The following KMT2C variants were observed in gnomAD, a reference collection of about 807,000 sequenced individuals.
The protein encoded by KMT2C is histone-lysine N-methyltransferase 2C.
KMT2C carries 88 observed loss-of-function variants against 507.9 expected under a neutral mutation model. That is an observed-to-expected ratio of 0.17 (90% CI 0.15 to 0.21). KMT2C has a LOEUF of 0.21. Ranked by LOEUF, KMT2C falls within the 10% of genes least tolerant of loss-of-function variation. The probability of loss-of-function intolerance (pLI) is 1.00; values close to 1 mark genes in which losing one functional copy is unlikely to be tolerated. For synonymous variants in KMT2C, 2,049 were observed against 2,080.8 expected (o/e 0.98, Z 0.42); for missense variants, 4,954 against 5,957.8 (o/e 0.83, Z 5.55).
chr7:152,187,028 T>C (rs906985157), intron 33 of KMT2C, among the ~76,000 whole-genome samples: 3 of 152,206 alleles, frequency 2.0e-5, no homozygotes, highest in African/African-American at 7.2e-5. Flanking sequence ...TGCTAGGAGC[T>C]GAAAAACGGA....
chr7:152,391,015 G>A (rs2097489561), intron 1 of KMT2C, among the ~76,000 whole-genome samples: 1 of 151,396 alleles, frequency 6.6e-6, no homozygotes, highest in African/African-American at 2.4e-5. Flanking sequence ...CATGGTGGCA[G>A]GCGCCTGTAA....
rs559561636 is a variant in KMT2C, at chr7:152,209,292, T to TA, written c.3713-1865dup. 5.3e-5 allele frequency among the ~76,000 whole-genome samples: 8 copies of TA among 151,086 alleles called. No individual in the cohort carries two copies. In the South Asian group the frequency reaches 1.7e-3, roughly 32 times the overall value. ...TAACACAGTGAAACCCTGTCTCTAC[T>TA]AAAAAATACAAAAAATTAGCCAGGT... On this transcript the variant is annotated intron_variant, in intron 23 of 58. Coordinates refer to ENST00000262189, the MANE Select transcript of KMT2C (RefSeq NM_170606.3).
chr7:152,262,239 A>T (rs964450354), intron 9 of KMT2C, among the ~76,000 whole-genome samples: 1 of 152,146 alleles, frequency 6.6e-6, no homozygotes, highest in Non-Finnish European at 1.5e-5. Context: ...AAGAAGAGCA[A>T]TGACAATGCT....
chr7:152,305,840 A>G (rs1410137899), intron 6 of KMT2C, among the ~76,000 whole-genome samples: 1 of 152,144 alleles, frequency 6.6e-6, no homozygotes, highest in Non-Finnish European at 1.5e-5. Context: ...TCTCTGCACC[A>G]GTCCCGTAAG....
intron 6 of KMT2C, among the ~76,000 whole-genome samples, chr7:152,291,961 C>G (rs1309283959): frequency 6.6e-6 from 1 of 152,094 alleles, no homozygotes; most frequent in Non-Finnish European, 1.5e-5. Flanking sequence ...GAAAAACTTA[C>G]TTTAATTATA....
chr7:152,273,756 T>A lies in KMT2C; in HGVS notation c.961A>T (p.Ser321Cys), dbSNP rs2096021478. 1 of 1,614,010 alleles carries A rather than the reference T, an allele frequency of 6.2e-7. No homozygotes were observed. The highest frequency in any genetic ancestry group is 1.3e-5 in the African/African-American group (1 of 74,954). ...AAGAGTFQDF[S>C]HIFLLCPEHI... ...TCTGGACAAAGCAGGAAGATGTGAC[T>A]GAAATCCTGAAAGGTGCCGGCTCCT... The change falls in exon 7 of 59, where the codon AGT (serine) becomes TGT (cysteine). Residue 321 changes from serine (S) to cysteine (C), a missense_variant. Physicochemically the swap from Ser to Cys is moderately radical, Grantham distance 112. Transcript: ENST00000262189.
chr7:152,360,512 G>A (rs1243810538), intron 1 of KMT2C, among the ~76,000 whole-genome samples: 1 of 148,840 alleles, frequency 6.7e-6, no homozygotes, highest in Non-Finnish European at 1.5e-5. Context: ...AAACCATGAA[G>A]GAGCTATAAC....
intron 2 of KMT2C, among the ~76,000 whole-genome samples, chr7:152,344,532 C>T (rs184177598): frequency 1.1e-4 from 17 of 152,092 alleles, no homozygotes; most frequent in Non-Finnish European, 2.1e-4. Context: ...AAAGCAAAAC[C>T]ACAGTTAAAG....
chr7:152,322,152 C>G (rs965834817), intron 3 of KMT2C, among the ~76,000 whole-genome samples: 1 of 151,714 alleles, frequency 6.6e-6, no homozygotes, highest in African/African-American at 2.4e-5. Context: ...CTGCTTGAGC[C>G]CAGAGTCTGA....
At chr7:152,293,119 T>C (rs779953282) in intron 6 of KMT2C, among the ~76,000 whole-genome samples, 5 of 152,156 alleles carry the variant, frequency 3.3e-5, no homozygotes, top group Non-Finnish European at 7.4e-5. Flanking sequence ...ATCACTGGGA[T>C]TCTCAAATAC....
At chr7:152,200,649 G>A (rs1402984065) in intron 26 of KMT2C, among the ~76,000 whole-genome samples, 6 of 152,124 alleles carry the variant, frequency 3.9e-5, no homozygotes, top group African/African-American at 1.4e-4. Flanking sequence ...AGAATCACTT[G>A]AACCCAGAAG....
chr7:152,389,192 C>T (rs1380642944), intron 1 of KMT2C, among the ~76,000 whole-genome samples: 2 of 151,924 alleles, frequency 1.3e-5, no homozygotes, highest in Non-Finnish European at 2.9e-5. Flanking sequence ...AACTGTCACT[C>T]TTAATTTTTT....
intron 1 of KMT2C, among the ~76,000 whole-genome samples, chr7:152,373,228 G>C (rs1013567689): frequency 2.6e-5 from 4 of 151,994 alleles, no homozygotes; most frequent in Non-Finnish European, 5.9e-5. Context: ...AATGACTATG[G>C]ATCAAAAAAA....
At chr7:152,208,146 T>C (rs1249188079) in intron 23 of KMT2C, among the ~76,000 whole-genome samples, 18 of 152,220 alleles carry the variant, frequency 1.2e-4, no homozygotes. Context: ...ATTTTCTGCT[T>C]AAAATCCTTT....
chr7:152,260,509 G>A (rs779615169), intron 9 of KMT2C, among the ~76,000 whole-genome samples: 5 of 152,002 alleles, frequency 3.3e-5, no homozygotes, highest in African/African-American at 7.3e-5. Context: ...CTGGGGTGGC[G>A]TGGGGGATGG....
At chr7:152,344,168 G>C (rs2097028564) in intron 2 of KMT2C, among the ~76,000 whole-genome samples, 1 of 152,156 alleles carries the variant, frequency 6.6e-6, no homozygotes, top group African/African-American at 2.4e-5. Flanking sequence ...GGATTATTTT[G>C]TTCTTATAAA....
intron 1 of KMT2C, among the ~76,000 whole-genome samples, chr7:152,396,072 A>G (rs2097536487): frequency 6.6e-6 from 1 of 152,124 alleles, no homozygotes; most frequent in Admixed American, 6.5e-5. Context: ...CCCAAATCAA[A>G]CAGCTACTAA....
chr7:152,182,013 G>C lies in KMT2C; in HGVS notation c.5847C>G (p.Val1949=), dbSNP rs2129120597. 6.2e-7 allele frequency: 1 copy of C among 1,614,168 alleles called. No individual in the cohort carries two copies. Among genetic ancestry groups the C allele is most frequent in the Middle Eastern group, 1.6e-4 (1 of 6,062 alleles). The change falls in exon 36 of 59, where the codon GTC becomes GTG. Residue 1949 remains valine (V), a synonymous_variant. Transcript: ENST00000262189. The part of the protein sequence containing the change: ...NETTANRPSP[V]RDLCSSSTTN... The stretch of plus-strand genomic sequence containing the variant: ...TCGTGGAAGAAGAACATAAATCTCT[G>C]ACAGGGGATGGCCTATTTGCTGTTG...
chr7:152,197,257 G>C (rs997450976), intron 27 of KMT2C, among the ~76,000 whole-genome samples: 4 of 152,182 alleles, frequency 2.6e-5, no homozygotes, highest in African/African-American at 9.6e-5. Context: ...AAAAGTCAAG[G>C]AGGATTCTAC....
Sources: gnomAD v4.1 joint callset for allele counts (sites outside exome capture counted in the v4.1 genomes callset) on GRCh38, gnomAD v4.1.1 for gene constraint, MANE v1.5 for transcripts, NCBI Gene and HGNC (gene_info 2026-07-23, HGNC 2026-07-21) for gene names.